Variants in LRBA observed in about 807,000 individuals in gnomAD.
The protein encoded by LRBA is lipopolysaccharide-responsive and beige-like anchor protein.
In LRBA, 176 loss-of-function variants were observed where a neutral mutation model predicts 330.0. The observed-to-expected ratio is 0.53, with a 90% CI of 0.47 to 0.60. LRBA has a LOEUF of 0.60. LRBA is among the 20% of genes least tolerant of loss of function. The pLI, the probability that LRBA is intolerant of heterozygous loss-of-function variation, is 0.00. For missense variants in LRBA, 3,259 were observed against 3,444.8 expected (o/e 0.95, Z 1.35); for synonymous variants, 1,230 against 1,193.0 (o/e 1.03, Z -0.64).
At chr4:150,870,027 T>C (rs1753239767) in intron 20 of LRBA, among the ~76,000 whole-genome samples, 2 of 152,136 alleles carry the variant, frequency 1.3e-5, no homozygotes, top group South Asian at 4.1e-4. Flanking sequence ...ACTAATAATT[T>C]TAATAACATG....
chr4:150,952,625 C>CT (rs1736964750), intron 2 of LRBA, among the ~76,000 whole-genome samples: 1 of 152,026 alleles, frequency 6.6e-6, no homozygotes, highest in Admixed American at 6.6e-5. Flanking sequence ...ATAAGGCCGT[C>CT]TGTTTCTCTC....
chr4:150,706,262 T>C (rs1785609988), intron 36 of LRBA, among the ~76,000 whole-genome samples: 1 of 151,830 alleles, frequency 6.6e-6, no homozygotes. Context: ...CACTAGTATA[T>C]GAAATCACAC....
At chr4:150,679,109 T>C (rs1239229669) in intron 37 of LRBA, among the ~76,000 whole-genome samples, 2 of 152,176 alleles carry the variant, frequency 1.3e-5, no homozygotes. Context: ...AATGAGTATA[T>C]ATTAAAACAT....
chr4:150,991,398 G>A (rs1028774830), intron 2 of LRBA, among the ~76,000 whole-genome samples: 1 of 152,172 alleles, frequency 6.6e-6, no homozygotes, highest in Non-Finnish European at 1.5e-5. Flanking sequence ...ATAGGCAAAG[G>A]TTTGGGGCAA....
At chr4:150,659,173 C>A (rs1780685411) in intron 37 of LRBA, among the ~76,000 whole-genome samples, 1 of 126,906 alleles carries the variant, frequency 7.9e-6, no homozygotes, top group Non-Finnish European at 1.7e-5. Context: ...TCTGCCTGGC[C>A]GCCCATCGTC....
At chr4:150,586,754 A>G (rs1419988883) in intron 40 of LRBA, among the ~76,000 whole-genome samples, 1 of 152,210 alleles carries the variant, frequency 6.6e-6, no homozygotes, top group Non-Finnish European at 1.5e-5. Context: ...TCTAATTTTC[A>G]GAACAATTAA....
chr4:150,848,812 G>A lies in LRBA; in HGVS notation c.4339+6C>T, dbSNP rs1485697995. The A allele has an allele frequency of 6.3e-7, 1 of 1,579,252 alleles. No homozygotes were observed. On this transcript the variant is annotated splice_donor_region_variant and intron_variant, in intron 26 of 56. Transcript: ENST00000651943. ...AGTAAATTCCCAACGGTTTTTAGCA[G>A]CTCACCTAGTCGGAGACACTGCCGC...
At chr4:150,484,386 T>C (rs538499720) in intron 42 of LRBA, among the ~76,000 whole-genome samples, 1 of 152,128 alleles carries the variant, frequency 6.6e-6, no homozygotes, top group African/African-American at 2.4e-5. Flanking sequence ...TGATATTTGA[T>C]AGCTTGTGCC....
chr4:150,965,706 ATT>A (rs1257657642), intron 2 of LRBA, among the ~76,000 whole-genome samples: 24 of 141,942 alleles, frequency 1.7e-4, no homozygotes, highest in Admixed American at 4.2e-4. Context: ...TGCCCGGCTA[ATT>A]TTTTTTTTTT....
chr4:150,315,963 T>G (rs1731668120), intron 50 of LRBA, among the ~76,000 whole-genome samples: 1 of 152,174 alleles, frequency 6.6e-6, no homozygotes, highest in Admixed American at 6.5e-5. Context: ...CTGCTGACTG[T>G]AGCAAATACT....
intron 46 of LRBA, among the ~76,000 whole-genome samples, chr4:150,431,414 A>C (rs1169260797): frequency 2.0e-5 from 3 of 152,184 alleles, no homozygotes; most frequent in African/African-American, 4.8e-5. Context: ...GTGATTCCAA[A>C]ACAATGCTCT....
At chr4:150,623,098 A>G (rs1403552022) in intron 37 of LRBA, among the ~76,000 whole-genome samples, 1 of 152,192 alleles carries the variant, frequency 6.6e-6, no homozygotes, top group Non-Finnish European at 1.5e-5. Flanking sequence ...CTCTTGGATT[A>G]GAAGAAGGGC....
At chr4:150,715,067 T>C (rs752690624) in intron 36 of LRBA, among the ~76,000 whole-genome samples, 1 of 152,142 alleles carries the variant, frequency 6.6e-6, no homozygotes, top group East Asian at 1.9e-4. Flanking sequence ...AGGAAAAAAT[T>C]TCACTTACCA....
chr4:150,787,701 T>C (rs544624531), intron 34 of LRBA, among the ~76,000 whole-genome samples: 1 of 151,716 alleles, frequency 6.6e-6, no homozygotes, highest in South Asian at 2.1e-4. Flanking sequence ...TGTAAAAATG[T>C]ACAATTGAAT....
intron 35 of LRBA, among the ~76,000 whole-genome samples, chr4:150,747,150 G>A (rs972666846): frequency 7.2e-5 from 11 of 152,024 alleles, no homozygotes; most frequent in Non-Finnish European, 1.0e-4. Context: ...CCCTGTTACT[G>A]TACACTCCTT....
Position 150,325,828 on chromosome 4 carries a change from C to A in LRBA, c.7433G>T (p.Arg2478Ile). 1 of 1,613,334 alleles carries A rather than the reference C, an allele frequency of 6.2e-7. No homozygotes were observed. The highest frequency in any genetic ancestry group is 8.5e-7 in the Non-Finnish European group (1 of 1,179,466). ...ACTTACCACTTGCATGGCAGAACCT[C>A]TGGGAGGATGGGGCTCTATGAGTAG... is the stretch of plus-strand genomic sequence containing the variant. ...SQLLIEPHPP[R>I]GSAMQVSPLM... is the part of the protein sequence containing the mutation. The change falls in exon 49 of 57, where the codon AGA (arginine) becomes ATA (isoleucine). Residue 2478 changes from arginine (R) to isoleucine (I), a missense_variant. Physicochemically the swap from Arg to Ile is moderately conservative, Grantham distance 97. Transcript: ENST00000651943.
At chr4:150,780,663 G>GTATATATATACATA (rs1738077811) in intron 34 of LRBA, among the ~76,000 whole-genome samples, 1 of 8,550 alleles carries the variant, frequency 1.2e-4, no homozygotes, top group East Asian at 3.9e-3. Context: ...ATATATACGT[G>GTATATATATACATA]TGTGTGTGTA....
At chr4:150,441,475 A>T (rs562355094) in intron 44 of LRBA, among the ~76,000 whole-genome samples, 1 of 152,282 alleles carries the variant, frequency 6.6e-6, no homozygotes, top group South Asian at 2.1e-4. Context: ...TTGAATTAAC[A>T]GACTCCTTTA....
chr4:150,484,389 CT>C (rs1241747234), intron 42 of LRBA, among the ~76,000 whole-genome samples: 1 of 151,862 alleles, frequency 6.6e-6, no homozygotes, highest in Non-Finnish European at 1.5e-5. Flanking sequence ...TATTTGATAG[CT>C]TGTGCCTTTC....
Sources: gnomAD v4.1 joint callset for allele counts (sites outside exome capture counted in the v4.1 genomes callset) on GRCh38, gnomAD v4.1.1 for gene constraint, MANE v1.5 for transcripts, NCBI Gene and HGNC (gene_info 2026-07-23, HGNC 2026-07-21) for gene names.